Variants in CCNYL1 observed in about 807,000 individuals in gnomAD.
The protein encoded by CCNYL1 is cyclin Y like 1.
A neutral mutation model predicts 44.2 loss-of-function variants in CCNYL1; 16 were observed. The observed-to-expected ratio is 0.36, with a 90% CI of 0.25 to 0.55. The LOEUF (loss-of-function observed/expected upper bound fraction) is 0.55. CCNYL1 is among the 20% of genes least tolerant of loss of function. The pLI is 0.85. For synonymous variants in CCNYL1, 159 were observed against 163.2 expected, an observed-to-expected ratio of 0.97 and a Z score of 0.20; for missense variants, 348 against 451.8, an observed-to-expected ratio of 0.77 and a Z score of 2.08.
At position 207,737,464 on chromosome 2, in the gene CCNYL1, C is replaced by G. The variant is rs201014983; in HGVS notation, c.467+18C>G. On this transcript the variant is annotated intron_variant, in intron 5 of 9. Coordinates refer to ENST00000295414, the MANE Select transcript of CCNYL1 (RefSeq NM_001330218.2). ...AAGAACAGGTGAGCTCCTTTAAAAC[C>G]TGTCTTGTTATTCCAGCTAATTACT... 39 of 1,602,098 alleles carry G rather than the reference C, an allele frequency of 2.4e-5. 1 individual carries two copies. In the East Asian group the frequency reaches 6.9e-4, roughly 28 times the overall value.
chr2:207,713,245 G>A (rs573170686), intron 1 of CCNYL1, among the ~76,000 whole-genome samples: 1 of 152,300 alleles, frequency 6.6e-6, no homozygotes, highest in South Asian at 2.1e-4. Context: ...AGAGAGGTGG[G>A]GTGGTTCATG....
In CCNYL1 at chr2:207,753,749, G is replaced by A; in HGVS notation, c.*51G>A. 1 of 1,144,118 alleles carries A rather than the reference G, an allele frequency of 8.7e-7. No homozygotes were observed. Among genetic ancestry groups the A allele is most frequent in the East Asian group, 2.4e-5 (1 of 41,958 alleles). 70.9% of individuals were successfully genotyped at this position (1,144,118 alleles called of 1,614,324 possible). On this transcript the variant is annotated 3_prime_UTR_variant, in exon 10 of 10. Coordinates refer to ENST00000295414, the MANE Select transcript of CCNYL1 (RefSeq NM_001330218.2). ...CATGGGACCTTCATCTACAAAGACTGGAGAAATACCACCTTTCCTGCTCAA... is the reference window on the plus strand; with the variant it reads ...CATGGGACCTTCATCTACAAAGACTAGAGAAATACCACCTTTCCTGCTCAA...
intron 1 of CCNYL1, among the ~76,000 whole-genome samples, chr2:207,719,738 T>C (rs142795047): frequency 6.6e-6 from 1 of 152,100 alleles, no homozygotes; most frequent in African/African-American, 2.4e-5. Flanking sequence ...TTTAATTTGT[T>C]TTTTGTTTTT....
chr2:207,716,351 T>G (rs1354145801), intron 1 of CCNYL1, among the ~76,000 whole-genome samples: 1 of 151,978 alleles, frequency 6.6e-6, no homozygotes, highest in Non-Finnish European at 1.5e-5. Context: ...TTTTTTTTTT[T>G]TTTTGCTTTT....
chr2:207,726,467 G>A (rs1429721215), intron 2 of CCNYL1, among the ~76,000 whole-genome samples: 1 of 152,108 alleles, frequency 6.6e-6, no homozygotes, highest in East Asian at 1.9e-4. Context: ...GTTAGATCTT[G>A]GTAATTAAAG....
At chr2:207,745,475 G>A (rs7594823) in intron 7 of CCNYL1, among the ~76,000 whole-genome samples, 23,593 of 152,146 alleles carry the variant, frequency 0.16, 3,023 homozygotes, top group East Asian at 0.38. Context: ...TTCCCATTGA[G>A]ATTTGAACCC....
chr2:207,752,952 T>A (rs903316196), intron 9 of CCNYL1, among the ~76,000 whole-genome samples: 2 of 151,514 alleles, frequency 1.3e-5, no homozygotes. Flanking sequence ...GGCAGGAGAA[T>A]CGCTTGAACC....
rs2091919957 is a variant in CCNYL1, at chr2:207,754,908, G to C, written c.*1210G>C. On this transcript the variant is annotated 3_prime_UTR_variant, in exon 10 of 10. Coordinates refer to ENST00000295414, the MANE Select transcript of CCNYL1 (RefSeq NM_001330218.2). ...TTCAAAATTTGCAAAATGAAGCTGG[G>C]TGTGGTGGTGCACGCCTATAGTCCC... The C allele has an allele frequency of 6.6e-6, 1 of 152,070 alleles. No individual in the cohort carries two copies. Among genetic ancestry groups the C allele is most frequent in the African/African-American group, 2.4e-5 (1 of 41,412 alleles). The allele number at this position is 152,070 out of a possible 1,614,324, so 9.4% of individuals were successfully genotyped here. A position where few individuals can be genotyped will look rare whatever the true frequency, so the allele number is the denominator to read the frequency against.
In CCNYL1 at chr2:207,724,796, A is replaced by G. The variant is rs925245416; in HGVS notation, c.221-4A>G. The G allele has an allele frequency of 1.1e-5, 17 of 1,610,544 alleles. No homozygotes were observed. Among genetic ancestry groups the G allele is most frequent in the South Asian group, 3.3e-5 (3 of 90,786 alleles). On this transcript the variant is annotated splice_region_variant and splice_polypyrimidine_tract_variant and intron_variant, in intron 1 of 9. Transcript: ENST00000295414. ...TGTCACGTCTTTTTCCTCCTCTTCTATAGATTTAGCTTTGGAGTCAAACCC... is the reference window on the plus strand; with the variant it reads ...TGTCACGTCTTTTTCCTCCTCTTCTGTAGATTTAGCTTTGGAGTCAAACCC...
rs201020093 is a variant in CCNYL1 at position 207,742,216 on chromosome 2, C to G, written c.520-7C>G. 1 of 1,563,508 alleles carries G rather than the reference C, an allele frequency of 6.4e-7. No individual in the cohort carries two copies. The highest frequency in any genetic ancestry group is 8.7e-7 in the Non-Finnish European group (1 of 1,155,410). On this transcript the variant is annotated splice_region_variant and splice_polypyrimidine_tract_variant and intron_variant, in intron 6 of 9. Transcript: ENST00000295414. The stretch of plus-strand genomic sequence containing the variant: ...GGATACTAACATTGCATCTTTTCTT[C>G]TTTCAGCGAGAAAAAGTTCCAGAGG...
intron 4 of CCNYL1, among the ~76,000 whole-genome samples, chr2:207,736,419 A>C (rs560956450): frequency 5.9e-5 from 9 of 152,380 alleles, no homozygotes; most frequent in East Asian, 1.9e-4. Flanking sequence ...TAATTTAGGA[A>C]TACAGTAACA....
intron 9 of CCNYL1, among the ~76,000 whole-genome samples, chr2:207,753,364 C>CT (rs1204218250): frequency 2.0e-5 from 3 of 152,130 alleles, no homozygotes; most frequent in Admixed American, 2.0e-4. Flanking sequence ...ATAAATTCCC[C>CT]TTTGTTCTCT....
In CCNYL1 at chr2:207,726,864, C is replaced by T. The variant is rs778267237; in HGVS notation, c.318C>T (p.Asn106=). Residue 106 remains asparagine (N), a synonymous_variant, in exon 3 of 10, where the codon AAC becomes AAT. Coordinates refer to ENST00000295414, the MANE Select transcript of CCNYL1 (RefSeq NM_001330218.2). ...TAGTGCGAGAAAAGAGGAAGAGCAA[C>T]CATTTGAACCATGTAAGTAAACAGT... ...QTDVREKRKS[N]HLNHVSPGQL... is the part of the protein sequence containing the mutation. 3 of 1,557,330 alleles carry T rather than the reference C, an allele frequency of 1.9e-6. No homozygotes were observed. Among genetic ancestry groups the T allele is most frequent in the South Asian group, 2.4e-5 (2 of 82,618 alleles).
chr2:207,711,682 G>A lies in CCNYL1; in HGVS notation c.-215G>A, dbSNP rs1351333214. 1.3e-4 allele frequency: 20 copies of A among 155,618 alleles called. No individual in the cohort carries two copies. The highest frequency in any genetic ancestry group is 4.2e-5 in the Non-Finnish European group (3 of 71,034). The allele number at this position is 155,618 out of a possible 1,614,324, so 9.6% of individuals were successfully genotyped here. On this transcript the variant is annotated 5_prime_UTR_variant, in exon 1 of 10. Transcript: ENST00000295414. ...AGGGAGGCGGCGGCAGCGCGGCGGT[G>A]GGGGTGCGGCCGAGGCCCGAGCCCT...
intron 9 of CCNYL1, among the ~76,000 whole-genome samples, chr2:207,751,603 C>T (rs991789106): frequency 2.0e-5 from 3 of 152,080 alleles, no homozygotes; most frequent in Admixed American, 1.3e-4. Context: ...GCCTGTAAGC[C>T]CAGCACTTTG....
chr2:207,718,975 TA>T (rs567430818), intron 1 of CCNYL1, among the ~76,000 whole-genome samples: 2,715 of 138,808 alleles, frequency 0.02, 62 homozygotes, highest in African/African-American at 0.06. Flanking sequence ...ATGGAGCTGT[TA>T]AAAAAAAAAA....
chr2:207,724,613 GT>G (rs1444672307), intron 1 of CCNYL1, among the ~76,000 whole-genome samples, 186 bp from the exon 2 acceptor site: 2 of 152,194 alleles, frequency 1.3e-5, no homozygotes, highest in East Asian at 3.8e-4. Context: ...TGTTCCACGT[GT>G]GTGGAGAGAT....
chr2:207,712,127 G>C lies in CCNYL1; in HGVS notation c.220+11G>C. 1.9e-6 allele frequency: 3 copies of C among 1,591,984 alleles called. No homozygotes were observed. The highest frequency in any genetic ancestry group is 2.6e-6 in the Non-Finnish European group (3 of 1,170,176). On this transcript the variant is annotated intron_variant, in intron 1 of 9. Coordinates refer to ENST00000295414, the MANE Select transcript of CCNYL1 (RefSeq NM_001330218.2). ...GCGAGATGCCCGAAGGTAAGGAGGCGGCGGATGCCATCCGCCCTCGGGCTC... is the reference window on the plus strand; with the variant it reads ...GCGAGATGCCCGAAGGTAAGGAGGCCGCGGATGCCATCCGCCCTCGGGCTC...
rs1232487804 is a variant in CCNYL1, at chr2:207,747,205, T to C, written c.798T>C (p.Val266=). ...GCCAGATCCTCAAGGACATTACAGTTGAGGACATGTGAGTTTGTAAGGTTT... is the reference window on the plus strand; with the variant it reads ...GCCAGATCCTCAAGGACATTACAGTCGAGGACATGTGAGTTTGTAAGGTTT... ...DYCQILKDIT[V]EDMNEMERHF... The change falls in exon 8 of 10, where the codon GTT becomes GTC. Residue 266 remains valine (V), a synonymous_variant. Transcript: ENST00000295414. The C allele has an allele frequency of 1.2e-6, 2 of 1,602,310 alleles. No homozygotes were observed. Among genetic ancestry groups the C allele is most frequent in the East Asian group, 2.2e-5 (1 of 44,586 alleles).
Sources: gnomAD v4.1 joint callset for allele counts (sites outside exome capture counted in the v4.1 genomes callset) on GRCh38, gnomAD v4.1.1 for gene constraint, MANE v1.5 for transcripts, NCBI Gene and HGNC (gene_info 2026-07-23, HGNC 2026-07-21) for gene names.